Variants in ENOSF1 observed in about 807,000 individuals in gnomAD.
ENOSF1 encodes the protein enolase superfamily member 1, also known as mitochondrial enolase superfamily member 1.
A neutral mutation model predicts 68.2 loss-of-function variants in ENOSF1; 73 were observed. The ratio of observed to expected loss-of-function variants is 1.07; its 90% CI spans 0.89 to 1.30. ENOSF1 has a LOEUF of 1.30. Among genes scored for constraint, ENOSF1 ranks in the 50% most tolerant of loss-of-function variants. The pLI is 0.00. For synonymous variants in ENOSF1, 223 were observed against 210.4 expected (o/e 1.06, Z -0.52); for missense variants, 589 against 554.5 (o/e 1.06, Z -0.62).
At chr18:679,207 TC>T (rs1555647765) in intron 11 of ENOSF1, among the ~76,000 whole-genome samples, 1 of 117,070 alleles carries the variant, frequency 8.5e-6, no homozygotes, top group Admixed American at 9.3e-5. Context: ...CCCTCTCATA[TC>T]TTTTTTTTTT....
At chr18:665,430 G>A (rs1261922654), downstream of ENOSF1, among the ~76,000 whole-genome samples, 4,024 of 150,470 alleles carry the variant, frequency 0.027, 163 homozygotes, top group African/African-American at 0.086. Flanking sequence ...TCTTGCTAGC[G>A]GTCTATAAAT....
At chr18:712,333 G>A (rs1474237811) in intron 1 of ENOSF1, 171 bp downstream of exon 1, 1 of 1,535,108 alleles carries the variant, frequency 6.5e-7, no homozygotes, top group East Asian at 2.5e-5. Flanking sequence ...CGGGGCGGGA[G>A]GGACCCGGGC....
chr18:686,289 CG>C, intron 9 of ENOSF1: 2 of 351,162 alleles, frequency 5.7e-6, no homozygotes, highest in Non-Finnish European at 1.0e-5. Context: ...CCGTTTTTGC[CG>C]GGCCATGAAA....
chr18:687,208 C>G (rs2612089), intron 9 of ENOSF1: 31,664 of 152,146 alleles, frequency 0.21, 3,567 homozygotes, highest in Admixed American at 0.27. Flanking sequence ...GTACTTGCAG[C>G]GGATGAGGGG....
rs2074995429 is a variant in ENOSF1 at position 670,565 on chromosome 18, CCCA to C, written c.*3737_*3739del. The C allele has an allele frequency of 1.0e-6, 1 of 973,696 alleles. No homozygotes were observed. The highest frequency in any genetic ancestry group is 1.5e-6 in the Non-Finnish European group (1 of 651,012). 60.3% of individuals were successfully genotyped at this position (973,696 alleles called of 1,614,324 possible). ...GAGGCTGTTATGGACATCACTGCAG[CCCA>C]GTGGCTCTCTCTCCTGGTCTCCACC... On this transcript the variant is annotated 3_prime_UTR_variant, in exon 16 of 16. Coordinates refer to ENST00000647584, the MANE Select transcript of ENOSF1 (RefSeq NM_017512.7).
chr18:683,523 A>C, intron 10 of ENOSF1, 143 bp from the exon 11 acceptor site: 1 of 870,964 alleles, frequency 1.1e-6, no homozygotes, highest in South Asian at 1.8e-5. Context: ...GGCCCAGCAC[A>C]CGGCCCTAAC....
In ENOSF1 at chr18:690,648, C is replaced by A. The variant is rs1201070857; in HGVS notation, c.536-17G>T. The stretch of plus-strand genomic sequence containing the variant: ...TTTGCTTCTCTGTGAAAACACAGCG[C>A]CGTCAACATTTTGCACTTTCCAGGG... On this transcript the variant is annotated splice_polypyrimidine_tract_variant and intron_variant, in intron 7 of 15. Transcript: ENST00000647584. 1 of 1,612,190 alleles carries A rather than the reference C, an allele frequency of 6.2e-7. No individual in the cohort carries two copies. The highest frequency in any genetic ancestry group is 2.3e-5 in the East Asian group (1 of 44,386).
At chr18:712,227 G>T in intron 1 of ENOSF1, 1 of 1,501,560 alleles carries the variant, frequency 6.7e-7, no homozygotes, top group Non-Finnish European at 8.9e-7. Context: ...TCCAAGGCAT[G>T]AAAAGCGAGT....
At chr18:696,474 G>A (rs2077747926) in intron 3 of ENOSF1, among the ~76,000 whole-genome samples, 1 of 151,932 alleles carries the variant, frequency 6.6e-6, no homozygotes, top group South Asian at 2.1e-4. Context: ...GCCTCCCAAA[G>A]TGCTGGGATT....
At chr18:686,418 G>A (rs1330948676) in intron 9 of ENOSF1, 1 of 171,752 alleles carries the variant, frequency 5.8e-6, no homozygotes. Flanking sequence ...TTACAAAGGA[G>A]AGCTTTGTCT....
rs1344969067 is a variant in ENOSF1, at chr18:670,778, A to C, written c.*3527T>G. 1.2e-6 allele frequency: 2 copies of C among 1,613,974 alleles called. No homozygotes were observed. Among genetic ancestry groups the C allele is most frequent in the Non-Finnish European group, 1.7e-6 (2 of 1,180,030 alleles). ...TGAGCTGTCCTGCCAGCTGTACCAG[A>C]GATCGGGAGACATGGGCCTCGGTGT... On this transcript the variant is annotated 3_prime_UTR_variant, in exon 16 of 16. Transcript: ENST00000647584.
At chr18:700,414 C>A (rs1011733734) in intron 2 of ENOSF1, among the ~76,000 whole-genome samples, 2 of 152,220 alleles carry the variant, frequency 1.3e-5, no homozygotes, top group African/African-American at 4.8e-5. Flanking sequence ...TGCTATAAAT[C>A]ATTGACTGAA....
rs549547546 is a variant in ENOSF1 at position 697,506 on chromosome 18, T to C, written c.194-151A>G. The C allele has an allele frequency of 8.2e-6, 5 of 610,040 alleles. No homozygotes were observed. The East Asian group carries it at 1.2e-4, about 14-fold the overall frequency. The allele number at this position is 610,040 out of a possible 1,614,324, so 37.8% of individuals were successfully genotyped here. ...TGGCTCATGCCTGTAATCTCAACACTTTGGGAGGCCACGGCAGGAGGACCA... is the reference window on the plus strand; with the variant it reads ...TGGCTCATGCCTGTAATCTCAACACCTTGGGAGGCCACGGCAGGAGGACCA... On this transcript the variant is annotated intron_variant, in intron 2 of 15. Transcript: ENST00000647584.
Position 670,940 on chromosome 18 carries a change from A to C in ENOSF1, c.*3365T>G. On this transcript the variant is annotated 3_prime_UTR_variant, in exon 16 of 16. Transcript: ENST00000647584. Reference sequence around the variant, plus strand: ...CTTCAGTTCTTTAATATGGGAAAACAAATTGCAGAGTTTAGTCTCTGATTA... The same window carrying C: ...CTTCAGTTCTTTAATATGGGAAAACCAATTGCAGAGTTTAGTCTCTGATTA... 1 of 1,531,272 alleles carries C rather than the reference A, an allele frequency of 6.5e-7. No individual in the cohort carries two copies. The highest frequency in any genetic ancestry group is 8.9e-7 in the Non-Finnish European group (1 of 1,125,158). 94.9% of individuals were successfully genotyped at this position (1,531,272 alleles called of 1,614,324 possible). A position where few individuals can be genotyped will look rare whatever the true frequency, so the allele number is the denominator to read the frequency against.
intron 3 of ENOSF1, among the ~76,000 whole-genome samples, chr18:696,087 T>C (rs531966480): frequency 6.6e-6 from 1 of 152,328 alleles, no homozygotes; most frequent in South Asian, 2.1e-4. Flanking sequence ...AACTTTTTCA[T>C]GCCTTGAATT....
intron 12 of ENOSF1, 151 bp from the exon 13 acceptor site, chr18:678,023 G>A (rs1436493324): frequency 5.5e-6 from 5 of 904,752 alleles, no homozygotes; most frequent in Admixed American, 3.2e-5. Context: ...TTCTCGCTGG[G>A]CATGAGGCGA....
chr18:669,305 C>A, downstream of ENOSF1: 3 of 631,090 alleles, frequency 4.8e-6, no homozygotes, highest in Non-Finnish European at 5.5e-6. Context: ...GATTGTGTGA[C>A]GTTGGGCAAG....
chr18:702,205 A>G (rs986780922), intron 2 of ENOSF1, among the ~76,000 whole-genome samples: 6 of 140,938 alleles, frequency 4.3e-5, no homozygotes, highest in African/African-American at 1.6e-4. Flanking sequence ...TTGTTGTTGC[A>G]GTGAGCAGAG....
intron 3 of ENOSF1, among the ~76,000 whole-genome samples, chr18:694,808 T>C (rs1307426336): frequency 7.3e-5 from 11 of 151,216 alleles, no homozygotes; most frequent in Non-Finnish European, 1.2e-4. Flanking sequence ...CCTCTCTTCT[T>C]TCTCTCTCTC....
Sources: gnomAD v4.1 joint callset for allele counts (sites outside exome capture counted in the v4.1 genomes callset) on GRCh38, gnomAD v4.1.1 for gene constraint, MANE v1.5 for transcripts, NCBI Gene and HGNC (gene_info 2026-07-23, HGNC 2026-07-21) for gene names.